SCAF8: variants seen among roughly 807,000 people sequenced by gnomAD.
The protein encoded by SCAF8 is SR-related and CTD-associated factor 8.
Under a neutral mutation model 140.5 loss-of-function variants are expected in SCAF8, and 23 were observed. The observed-to-expected ratio is 0.16, with a 90% CI of 0.12 to 0.23. SCAF8 has a LOEUF of 0.23. SCAF8 is among the 10% of genes least tolerant of loss of function. The pLI is 1.00. For synonymous variants in SCAF8, 575 were observed against 528.9 expected, an observed-to-expected ratio of 1.09 and a Z score of -1.20; for missense variants, 1,397 against 1,555.7, an observed-to-expected ratio of 0.90 and a Z score of 1.72.
intron 1 of SCAF8, among the ~76,000 whole-genome samples, chr6:154,771,135 T>G (rs1392537840): frequency 6.6e-6 from 1 of 152,198 alleles, no homozygotes; most frequent in African/African-American, 2.4e-5. Context: ...TGACATATCT[T>G]TTAAAAAATC....
chr6:154,803,743 T>A (rs113832324), intron 8 of SCAF8, 120 bp downstream of exon 8: 278 of 645,498 alleles, frequency 4.3e-4, no homozygotes, highest in East Asian at 2.1e-3. Flanking sequence ...CCTCTAACAT[T>A]ATACAAAGGT....
At chr6:154,787,645 A>C (rs1475390509) in intron 3 of SCAF8, among the ~76,000 whole-genome samples, 1 of 152,228 alleles carries the variant, frequency 6.6e-6, no homozygotes, top group African/African-American at 2.4e-5. Flanking sequence ...GTTACATAGT[A>C]CTATTTTAGA....
At chr6:154,748,504 G>A (rs1289700316) in intron 1 of SCAF8, among the ~76,000 whole-genome samples, 2 of 151,748 alleles carry the variant, frequency 1.3e-5, no homozygotes, top group Non-Finnish European at 2.9e-5. Context: ...AATAAAAATT[G>A]TCGAGATGAA....
At chr6:154,793,658 TAAA>T (rs992527919) in intron 5 of SCAF8, among the ~76,000 whole-genome samples, 1 of 151,076 alleles carries the variant, frequency 6.6e-6, no homozygotes, top group Non-Finnish European at 1.5e-5. Context: ...ACATTAAAAA[TAAA>T]AAAATCAGCT....
At chr6:154,820,508 T>C (rs368977606) in intron 15 of SCAF8, among the ~76,000 whole-genome samples, 175 bp downstream of exon 15, 46 of 152,316 alleles carry the variant, frequency 3.0e-4, no homozygotes, top group Middle Eastern at 3.4e-3. Context: ...TTTTAATAGA[T>C]GTCAAAGTAT....
At chr6:154,824,606 G>A (rs1248774964) in intron 17 of SCAF8, among the ~76,000 whole-genome samples, 1 of 152,148 alleles carries the variant, frequency 6.6e-6, no homozygotes, top group African/African-American at 2.4e-5. Context: ...AGATTGGTGG[G>A]AGAAGCAGCA....
At position 154,832,534 on chromosome 6, in the gene SCAF8, T is replaced by C. The variant is rs1474156388; in HGVS notation, c.2955T>C (p.Ala985=). 15 of 1,613,764 alleles carry C rather than the reference T, an allele frequency of 9.3e-6. No homozygotes were observed. Among genetic ancestry groups the C allele is most frequent in the Non-Finnish European group, 1.3e-5 (15 of 1,179,960 alleles). Residue 985 remains alanine, a synonymous_variant, in exon 20 of 20, where the codon GCT becomes GCC. Transcript: ENST00000367178. ...GTCAACCAGAAAGACCTTTTTTAGC[T>C]CCTGGAAGACAAAGCGTAGACAATG... ...IFSQPERPFL[A]PGRQSVDNVT...
Position 154,832,082 on chromosome 6 carries a change from T to C in SCAF8, c.2503T>C (p.Ser835Pro), listed in dbSNP as rs763774045. 2 of 1,614,026 alleles carry C rather than the reference T, an allele frequency of 1.2e-6. No homozygotes were observed. Among genetic ancestry groups the C allele is most frequent in the Non-Finnish European group, 1.7e-6 (2 of 1,180,004 alleles). Residue 835 changes from serine (S) to proline (P), a missense_variant, in exon 20 of 20, where the codon TCC (serine) becomes CCC (proline). This residue lies in a region of SCAF8 where 930 missense variants were observed against 874.6 expected (regional missense o/e 1.06). Transcript: ENST00000367178. ...TCTTGGGGTCCGGCCATCTAATGTTTCCAGTAGTTCTGGGATTATTGCAGC... is the reference window on the plus strand; with the variant it reads ...TCTTGGGGTCCGGCCATCTAATGTTCCCAGTAGTTCTGGGATTATTGCAGC... ...EILGVRPSNV[S>P]SSSGIIAAQP...
chr6:154,780,040 C>T (rs971423228), intron 3 of SCAF8, among the ~76,000 whole-genome samples: 12 of 152,060 alleles, frequency 7.9e-5, no homozygotes, highest in Admixed American at 1.3e-4. Flanking sequence ...CATTTAGTTC[C>T]ATGCCGTTTA....
intron 1 of SCAF8, among the ~76,000 whole-genome samples, chr6:154,770,308 A>G (rs1776699724): frequency 1.3e-5 from 2 of 152,042 alleles, no homozygotes; most frequent in African/African-American, 4.8e-5. Flanking sequence ...GAAAACACAC[A>G]CACACACACG....
chr6:154,746,883 A>G lies in SCAF8; in HGVS notation c.30+12953A>G, dbSNP rs181024885. ...TTGCTATTTTTTTAGTATGTGAAAC[A>G]TTAAAGATAAATTAACTTTAATCAT... On this transcript the variant is annotated intron_variant, in intron 1 of 19. Transcript: ENST00000367178. Among the ~76,000 whole-genome samples the G allele has an allele frequency of 6.5e-4, 99 of 152,330 alleles. 1 individual carries two copies. The highest frequency in any genetic ancestry group is 2.0e-3 in the African/African-American group (84 of 41,590).
intron 1 of SCAF8, among the ~76,000 whole-genome samples, chr6:154,748,172 C>T (rs548818016): frequency 5.6e-4 from 85 of 152,148 alleles, no homozygotes; most frequent in African/African-American, 1.9e-3. Context: ...TTACTGCACT[C>T]GCTAAGGGAA....
At chr6:154,826,263 A>G (rs1778565194) in intron 17 of SCAF8, among the ~76,000 whole-genome samples, 1 of 152,186 alleles carries the variant, frequency 6.6e-6, no homozygotes, top group Admixed American at 6.5e-5. Flanking sequence ...GATTATTTCA[A>G]AAATCATAAC....
intron 3 of SCAF8, among the ~76,000 whole-genome samples, chr6:154,785,603 A>G (rs1229572200): frequency 6.6e-6 from 1 of 152,146 alleles, no homozygotes; most frequent in Non-Finnish European, 1.5e-5. Flanking sequence ...TTCTGTTTCT[A>G]CCACTCTAGC....
chr6:154,777,106 G>A (rs1181983848), intron 2 of SCAF8, among the ~76,000 whole-genome samples: 5 of 152,058 alleles, frequency 3.3e-5, no homozygotes, highest in Admixed American at 2.6e-4. Flanking sequence ...GCTTGAACCC[G>A]GGAGGCGAGG....
At chr6:154,831,537 T>C (rs1187721446) in intron 19 of SCAF8, among the ~76,000 whole-genome samples, 3 of 151,928 alleles carry the variant, frequency 2.0e-5, no homozygotes, top group South Asian at 2.1e-4. Context: ...AAGATAAATA[T>C]GGTGTTTGAA....
intron 13 of SCAF8, among the ~76,000 whole-genome samples, chr6:154,816,140 C>G (rs1778242452): frequency 6.6e-6 from 1 of 152,172 alleles, no homozygotes; most frequent in Non-Finnish European, 1.5e-5. Flanking sequence ...AAAAAACTGT[C>G]TCTGAGGAAA....
At chr6:154,778,770 TGTGTG>T (rs1776992659) in intron 3 of SCAF8, among the ~76,000 whole-genome samples, 2 of 28,230 alleles carry the variant, frequency 7.1e-5, no homozygotes, top group South Asian at 1.1e-3. Flanking sequence ...TCTCAAAAAA[TGTGTG>T]TGTGTGTGTG....
At position 154,832,114 on chromosome 6, in the gene SCAF8, A is replaced by C. The variant is rs142905430; in HGVS notation, c.2535A>C (p.Pro845=). 10 of 1,613,862 alleles carry C rather than the reference A, an allele frequency of 6.2e-6. No individual in the cohort carries two copies. In the African/African-American group the frequency reaches 9.4e-5, roughly 15 times the overall value. Residue 845 remains proline (P), a synonymous_variant, in exon 20 of 20, where the codon CCA becomes CCC. Coordinates refer to ENST00000367178, the MANE Select transcript of SCAF8 (RefSeq NM_014892.5). ...GTTCTGGGATTATTGCAGCCCAACC[A>C]CCAAATATTCTAAATAACTCTGGAA... ...SSSSGIIAAQ[P]PNILNNSGIL... is the part of the protein sequence containing the mutation.
Sources: gnomAD v4.1 joint callset for allele counts (sites outside exome capture counted in the v4.1 genomes callset) on GRCh38, gnomAD v4.1.1 for gene constraint, gnomAD v4.1.1 regional missense constraint, MANE v1.5 for transcripts, NCBI Gene and HGNC (gene_info 2026-07-23, HGNC 2026-07-21) for gene names.